Variants in TOM1L2 observed in about 807,000 individuals in gnomAD.
The protein encoded by TOM1L2 is TOM1-like protein 2.
TOM1L2 carries 31 observed loss-of-function variants against 67.9 expected under a neutral mutation model. The ratio of observed to expected loss-of-function variants is 0.46; its 90% CI spans 0.34 to 0.62. The LOEUF (loss-of-function observed/expected upper bound fraction) is 0.62. Among genes scored for constraint, TOM1L2 ranks in the 20% least tolerant of loss-of-function variants. The pLI is 0.01. For missense variants in TOM1L2, 606 were observed against 663.5 expected (o/e 0.91, Z 0.95); for synonymous variants, 256 against 254.0 (o/e 1.01, Z -0.07).
At chr17:17,848,483 A>G (rs2035773547) in intron 14 of TOM1L2, among the ~76,000 whole-genome samples, 1 of 152,238 alleles carries the variant, frequency 6.6e-6, no homozygotes, top group Admixed American at 6.5e-5. Context: ...CAGTGGCCCA[A>G]GGGTGCTGCT....
chr17:17,944,496 C>A (rs979058332), intron 1 of TOM1L2, among the ~76,000 whole-genome samples: 1 of 152,190 alleles, frequency 6.6e-6, no homozygotes, highest in African/African-American at 2.4e-5. Flanking sequence ...TATTTATGAT[C>A]CGTGGGATCA....
At chr17:17,940,963 T>G (rs989255457) in intron 1 of TOM1L2, among the ~76,000 whole-genome samples, 4 of 152,202 alleles carry the variant, frequency 2.6e-5, no homozygotes, top group Non-Finnish European at 4.4e-5. Flanking sequence ...AAATCATACT[T>G]GTAAGATTTG....
intron 12 of TOM1L2, chr17:17,857,700 A>C: frequency 7.4e-7 from 1 of 1,345,106 alleles, no homozygotes; most frequent in African/African-American, 1.4e-5. Context: ...CACAAGAGGA[A>C]GACATGAGCT....
At chr17:17,851,820 C>T (rs1241764513) in intron 12 of TOM1L2, among the ~76,000 whole-genome samples, 2 of 152,212 alleles carry the variant, frequency 1.3e-5, no homozygotes, top group African/African-American at 4.8e-5. Context: ...GAGGTGACAG[C>T]TTCCAGGCAT....
At chr17:17,952,380 T>TC (rs1466310315) in intron 1 of TOM1L2, among the ~76,000 whole-genome samples, 3 of 28,854 alleles carry the variant, frequency 1.0e-4, no homozygotes, top group African/African-American at 3.3e-4. Context: ...TATTTTCTTT[T>TC]TTTTTTTTTT....
At position 17,936,913 on chromosome 17, in the gene TOM1L2, C is replaced by G. The variant is rs546649635; in HGVS notation, c.53-29382G>C. On this transcript the variant is annotated intron_variant, in intron 1 of 14. Transcript: ENST00000379504. ...TTTTCAGGGGAAAAAGGCTTTTTAACAGTCTAAGTTCAACCTCTTTGATTC... is the reference window on the plus strand; with the variant it reads ...TTTTCAGGGGAAAAAGGCTTTTTAAGAGTCTAAGTTCAACCTCTTTGATTC... 3.9e-5 allele frequency among the ~76,000 whole-genome samples: 6 copies of G among 152,270 alleles called. No homozygotes were observed. The East Asian group carries it at 1.2e-3, about 29-fold the overall frequency.
intron 1 of TOM1L2, among the ~76,000 whole-genome samples, chr17:17,931,306 C>T (rs2040325117): frequency 6.6e-6 from 1 of 152,210 alleles, no homozygotes; most frequent in Non-Finnish European, 1.5e-5. Context: ...CATGCCTCTG[C>T]ACTGCCAAGC....
chr17:17,884,499 G>C (rs2037890400), intron 5 of TOM1L2, 135 bp downstream of exon 5: 1 of 1,227,906 alleles, frequency 8.1e-7, no homozygotes, highest in Non-Finnish European at 1.1e-6. Flanking sequence ...TTATTAAAAA[G>C]GAATGCCCCC....
At chr17:17,887,814 C>T (rs1197234072) in intron 4 of TOM1L2, among the ~76,000 whole-genome samples, 1 of 152,110 alleles carries the variant, frequency 6.6e-6, no homozygotes, top group Non-Finnish European at 1.5e-5. Context: ...GTCTCTCACC[C>T]GTGTACAGAG....
intron 1 of TOM1L2, among the ~76,000 whole-genome samples, chr17:17,941,766 T>G (rs1410829719): frequency 6.6e-6 from 1 of 152,342 alleles, no homozygotes; most frequent in Middle Eastern, 3.4e-3. Context: ...CATGCCTCAC[T>G]AACTCGGCTG....
chr17:17,899,148 T>C (rs2038723892), intron 2 of TOM1L2, among the ~76,000 whole-genome samples: 1 of 152,214 alleles, frequency 6.6e-6, no homozygotes, highest in Non-Finnish European at 1.5e-5. Flanking sequence ...GAATTCTGTA[T>C]CACATGCAAG....
chr17:17,847,606 C>T lies in TOM1L2; in HGVS notation c.*29G>A. The T allele has an allele frequency of 6.3e-7, 1 of 1,580,792 alleles. No individual in the cohort carries two copies. The highest frequency in any genetic ancestry group is 8.6e-7 in the Non-Finnish European group (1 of 1,163,718). ...TCCACGGGGTGCGAGCGGGGACCCGCCATCTGGGGAGGCAAACCACAGAGC... is the reference window on the plus strand; with the variant it reads ...TCCACGGGGTGCGAGCGGGGACCCGTCATCTGGGGAGGCAAACCACAGAGC... On this transcript the variant is annotated 3_prime_UTR_variant, in exon 15 of 15. Coordinates refer to ENST00000379504, the MANE Select transcript of TOM1L2 (RefSeq NM_001082968.2).
chr17:17,846,661 A>T lies in TOM1L2; in HGVS notation c.*974T>A, dbSNP rs1326744518. 1.3e-5 allele frequency: 2 copies of T among 152,424 alleles called. No homozygotes were observed. The highest frequency in any genetic ancestry group is 4.8e-5 in the African/African-American group (2 of 41,454). The allele number at this position is 152,424 out of a possible 1,614,324, so 9.4% of individuals were successfully genotyped here. A position where few individuals can be genotyped will look rare whatever the true frequency, so the allele number is the denominator to read the frequency against. ...TCTCAGTCACTGGGAACCTCCAAGGATGCCACAAAGCTGTTTGCTGCTGGC... is the reference window on the plus strand; with the variant it reads ...TCTCAGTCACTGGGAACCTCCAAGGTTGCCACAAAGCTGTTTGCTGCTGGC... On this transcript the variant is annotated 3_prime_UTR_variant, in exon 15 of 15. Coordinates refer to ENST00000379504, the MANE Select transcript of TOM1L2 (RefSeq NM_001082968.2).
At chr17:17,875,669 T>A (rs918530124) in intron 7 of TOM1L2, among the ~76,000 whole-genome samples, 3 of 152,256 alleles carry the variant, frequency 2.0e-5, no homozygotes, top group Admixed American at 6.5e-5. Context: ...CTTTTTTCTA[T>A]CTAATTAATC....
At chr17:17,912,862 C>T (rs1020438059) in intron 1 of TOM1L2, among the ~76,000 whole-genome samples, 10 of 152,096 alleles carry the variant, frequency 6.6e-5, no homozygotes, top group African/African-American at 2.2e-4. Context: ...TGTAGCGAGC[C>T]GAGATCATGC....
At chr17:17,872,117 T>A (rs2037187122) in intron 7 of TOM1L2, 1 of 868,762 alleles carries the variant, frequency 1.2e-6, no homozygotes, top group Non-Finnish European at 1.4e-6. Flanking sequence ...CAAAACCCAG[T>A]CACAATTACT....
chr17:17,957,543 T>C (rs2041509704), intron 1 of TOM1L2, among the ~76,000 whole-genome samples: 1 of 152,056 alleles, frequency 6.6e-6, no homozygotes, highest in South Asian at 2.1e-4. Flanking sequence ...GTCAAAATTA[T>C]AACAAAATGT....
chr17:17,962,794 A>G (rs1007850778), intron 1 of TOM1L2, among the ~76,000 whole-genome samples: 6 of 151,946 alleles, frequency 3.9e-5, no homozygotes, highest in African/African-American at 1.4e-4. Context: ...CCCTATCTCT[A>G]CTAAAATTGC....
At chr17:17,884,505 C>T (rs2037890662) in intron 5 of TOM1L2, 129 bp downstream of exon 5, 4 of 1,292,410 alleles carry the variant, frequency 3.1e-6, no homozygotes, top group Non-Finnish European at 4.3e-6. Flanking sequence ...AAAAGGAATG[C>T]CCCCGAGCTT....
Sources: allele counts gnomAD v4.1 joint callset (sites outside exome capture counted in the v4.1 genomes callset), GRCh38; gene constraint gnomAD v4.1.1; transcripts MANE v1.5; gene names NCBI Gene and HGNC (gene_info 2026-07-23, HGNC 2026-07-21).